Variants in RELB observed in about 807,000 individuals in gnomAD.
RELB encodes the protein RELB proto-oncogene, NF-kB subunit.
A neutral mutation model predicts 55.4 loss-of-function variants in RELB; 14 were observed. The observed-to-expected ratio is 0.25, with a 90% CI of 0.17 to 0.40. The LOEUF is 0.40. Among genes scored for constraint, RELB ranks in the 10% least tolerant of loss-of-function variants. RELB has a pLI of 1.00. For synonymous variants in RELB, 409 were observed against 371.3 expected (o/e 1.10, Z -1.17); for missense variants, 669 against 830.7 (o/e 0.81, Z 2.39).
In RELB at chr19:45,022,068, G is replaced by C; in HGVS notation, c.520G>C (p.Gly174Arg). 1 of 1,611,236 alleles carries C rather than the reference G, an allele frequency of 6.2e-7. No individual in the cohort carries two copies. The change falls in exon 5 of 12, where the codon GGG becomes CGG. Residue 174 changes from glycine (G) to arginine (R), a missense_variant. Gly to Arg is a moderately radical substitution (Grantham distance 125). Coordinates refer to ENST00000221452, the MANE Select transcript of RELB (RefSeq NM_006509.4). Reference protein sequence around the residue: ...LPAIELRDCGGLREVEVTACL... With the variant: ...LPAIELRDCGRLREVEVTACL... The stretch of plus-strand genomic sequence containing the variant: ...CTTCCTGCAGCTCCGGGATTGTGGA[G>C]GGCTGCGGGAGGTGGAGGTGACTGC...
At chr19:45,022,276 C>T (rs1416976080) in intron 5 of RELB, 66 bp downstream of exon 5, 5 of 1,465,686 alleles carry the variant, frequency 3.4e-6, no homozygotes, top group Non-Finnish European at 4.6e-6. Flanking sequence ...CTGGAGGCCA[C>T]CCATGAAACT....
intron 8 of RELB, among the ~76,000 whole-genome samples, chr19:45,029,194 G>A (rs1048990574): frequency 1.3e-5 from 2 of 152,326 alleles, no homozygotes; most frequent in South Asian, 2.1e-4. Flanking sequence ...ACCCGTCTGC[G>A]TAGGACGACA....
rs546996002 is a variant in RELB at position 45,004,398 on chromosome 19, A to C, written c.154+1402A>C. Among the ~76,000 whole-genome samples, 9 of 134,096 alleles carry C rather than the reference A, an allele frequency of 6.7e-5. No individual in the cohort carries two copies. The East Asian group carries it at 2.2e-3, about 32-fold the overall frequency. 88.0% of individuals were successfully genotyped at this position (134,096 alleles called of 152,430 possible). On this transcript the variant is annotated intron_variant, in intron 2 of 11. Coordinates refer to ENST00000221452, the MANE Select transcript of RELB (RefSeq NM_006509.4). ...CCACCACGCTCAGCTAATTTTTTGT[A>C]TTTTTAGTAGAGACAGGGTTTCTCC...
At chr19:45,019,659 CTCTT>C (rs1971459896) in intron 4 of RELB, among the ~76,000 whole-genome samples, 1 of 152,030 alleles carries the variant, frequency 6.6e-6, no homozygotes, top group South Asian at 2.1e-4. Flanking sequence ...CTCTCCTTCT[CTCTT>C]TATTTATGTA....
chr19:45,037,921 T>C lies in RELB; in HGVS notation c.*131T>C. The C allele has an allele frequency of 1.1e-6, 1 of 925,338 alleles. No homozygotes were observed. The highest frequency in any genetic ancestry group is 1.5e-6 in the Non-Finnish European group (1 of 673,676). 57.3% of individuals were successfully genotyped at this position (925,338 alleles called of 1,614,324 possible). On this transcript the variant is annotated 3_prime_UTR_variant, in exon 12 of 12. Transcript: ENST00000221452. ...CTTCTGAAGTGGACATATTCAGCCT[T>C]GGCGAGAAGCTCCGTTGCACGGGTT...
At chr19:45,019,730 T>C (rs978483844) in intron 4 of RELB, among the ~76,000 whole-genome samples, 3 of 152,126 alleles carry the variant, frequency 2.0e-5, no homozygotes, top group Admixed American at 2.0e-4. Context: ...CAGGCTGGAG[T>C]GCAATGGCAC....
At chr19:45,013,756 C>T (rs1052703603) in intron 4 of RELB, among the ~76,000 whole-genome samples, 9 of 151,874 alleles carry the variant, frequency 5.9e-5, no homozygotes, top group African/African-American at 1.9e-4. Flanking sequence ...CACTTGAATC[C>T]GGGAGGCAGA....
intron 2 of RELB, chr19:45,003,551 A>T (rs1568395437): frequency 1.9e-6 from 1 of 516,818 alleles, no homozygotes. Flanking sequence ...TTCTTTAGAG[A>T]TTCACTGTGG....
At chr19:45,002,234 G>A (rs2040112643) in intron 1 of RELB, among the ~76,000 whole-genome samples, 1 of 151,980 alleles carries the variant, frequency 6.6e-6, no homozygotes, top group Non-Finnish European at 1.5e-5. Context: ...GCAGGGCGGG[G>A]CCCGACACAG....
intron 5 of RELB, among the ~76,000 whole-genome samples, chr19:45,022,517 G>T (rs1478713319): frequency 6.6e-6 from 1 of 151,540 alleles, no homozygotes; most frequent in East Asian, 1.9e-4. Context: ...TAACTGCAAG[G>T]TCTGTTCTTT....
intron 11 of RELB, among the ~76,000 whole-genome samples, chr19:45,035,696 C>A: frequency 6.6e-6 from 1 of 152,114 alleles, no homozygotes; most frequent in Non-Finnish European, 1.5e-5. Context: ...TGTGGTGGCA[C>A]ATGCCTGTAG....
intron 3 of RELB, among the ~76,000 whole-genome samples, chr19:45,010,027 G>A (rs1265081299): frequency 2.0e-5 from 3 of 152,008 alleles, no homozygotes; most frequent in Admixed American, 6.6e-5. Flanking sequence ...GCCGGGGGCT[G>A]TGTGACTCAC....
chr19:45,001,739 G>A, intron 1 of RELB, 54 bp downstream of exon 1: 1 of 1,198,630 alleles, frequency 8.3e-7, no homozygotes, highest in Non-Finnish European at 1.2e-6. Flanking sequence ...GGAGATGCGG[G>A]GATTCTGGCG....
chr19:45,014,854 G>C lies in RELB; in HGVS notation c.504+2578G>C, dbSNP rs538810477. 4.6e-5 allele frequency among the ~76,000 whole-genome samples: 7 copies of C among 151,408 alleles called. No individual in the cohort carries two copies. The South Asian group carries it at 1.0e-3, about 23-fold the overall frequency. Reference sequence around the variant, plus strand: ...GTTTTGATTTCCAAGATTTAGAATGGTAAATGCCTAACCATAGGGAATGAC... The same window carrying C: ...GTTTTGATTTCCAAGATTTAGAATGCTAAATGCCTAACCATAGGGAATGAC... On this transcript the variant is annotated intron_variant, in intron 4 of 11. Coordinates refer to ENST00000221452, the MANE Select transcript of RELB (RefSeq NM_006509.4).
intron 2 of RELB, among the ~76,000 whole-genome samples, chr19:45,007,609 G>C (rs993789616): frequency 4.6e-5 from 7 of 152,178 alleles, no homozygotes; most frequent in African/African-American, 1.7e-4. Context: ...TGTAATCCCA[G>C]CACTTTGGGA....
rs1363454070 is a variant in RELB at position 45,033,740 on chromosome 19, G to A, written c.1208-504G>A. Among the ~76,000 whole-genome samples the A allele has an allele frequency of 7.3e-5, 11 of 150,412 alleles. No individual in the cohort carries two copies. In the South Asian group the frequency reaches 1.5e-3, roughly 20 times the overall value. On this transcript the variant is annotated intron_variant, in intron 9 of 11. Coordinates refer to ENST00000221452, the MANE Select transcript of RELB (RefSeq NM_006509.4). Reference sequence around the variant, plus strand: ...GTATTTTTAGTAGAGACCGGGTTTCGCCGTGTTGGTCAGGCTGGTCTCGGA... The same window carrying A: ...GTATTTTTAGTAGAGACCGGGTTTCACCGTGTTGGTCAGGCTGGTCTCGGA...
At chr19:45,031,408 G>T (rs1971619295) in intron 8 of RELB, among the ~76,000 whole-genome samples, 1 of 151,756 alleles carries the variant, frequency 6.6e-6, no homozygotes, top group African/African-American at 2.4e-5. Flanking sequence ...TACAGGTGTG[G>T]GCCACTATGC....
At chr19:45,034,376 A>G in intron 10 of RELB, 64 bp downstream of exon 10, 1 of 1,601,912 alleles carries the variant, frequency 6.2e-7, no homozygotes, top group East Asian at 2.2e-5. Context: ...AGCTGACCCC[A>G]CTGCCCTGTC....
intron 6 of RELB, 35 bp from the exon 7 acceptor site, chr19:45,025,571 T>C: frequency 6.2e-7 from 1 of 1,612,656 alleles, no homozygotes; most frequent in Non-Finnish European, 8.5e-7. Context: ...GGTCTCCACT[T>C]CCCACCCTCA....
Sources: allele counts gnomAD v4.1 joint callset (sites outside exome capture counted in the v4.1 genomes callset), GRCh38; gene constraint gnomAD v4.1.1; transcripts MANE v1.5; gene names NCBI Gene and HGNC (gene_info 2026-07-23, HGNC 2026-07-21).